The following IGF2BP1 variants were observed in gnomAD, a reference collection of about 807,000 sequenced individuals.
IGF2BP1 encodes the protein insulin like growth factor 2 mRNA binding protein 1, also known as insulin-like growth factor 2 mRNA-binding protein 1.
Under a neutral mutation model 74.9 loss-of-function variants are expected in IGF2BP1, and 11 were observed. That is an observed-to-expected ratio of 0.15 (90% CI 0.09 to 0.24). IGF2BP1 has a LOEUF of 0.24. Among genes scored for constraint, IGF2BP1 ranks in the 10% least tolerant of loss-of-function variants. The pLI is 1.00. For synonymous variants in IGF2BP1, 287 were observed against 281.8 expected (o/e 1.02, Z -0.18); for missense variants, 440 against 757.4 (o/e 0.58, Z 4.92).
rs573627008 is a variant in IGF2BP1 at position 49,005,671 on chromosome 17, C to T, written c.236+6502C>T. Among the ~76,000 whole-genome samples the T allele has an allele frequency of 2.6e-5, 4 of 152,194 alleles. No homozygotes were observed. In the South Asian group the frequency reaches 8.3e-4, roughly 32 times the overall value. ...TTCTACCATGTCTGGTTAGTGGATT[C>T]TAGTCAATCCTCTCTACATTTCCTT... On this transcript the variant is annotated intron_variant, in intron 2 of 14. Coordinates refer to ENST00000290341, the MANE Select transcript of IGF2BP1 (RefSeq NM_006546.4).
chr17:49,029,962 T>A (rs186995336), intron 4 of IGF2BP1, among the ~76,000 whole-genome samples: 4 of 152,152 alleles, frequency 2.6e-5, no homozygotes, highest in African/African-American at 9.6e-5. Context: ...GATTCTAATG[T>A]CAGCTTGCCA....
chr17:49,039,207 C>T (rs1466317732), intron 6 of IGF2BP1, among the ~76,000 whole-genome samples: 1 of 151,962 alleles, frequency 6.6e-6, no homozygotes, highest in Non-Finnish European at 1.5e-5. Context: ...GATCAGTGTA[C>T]TCAGTGGCAA....
chr17:49,037,699 TGTA>T (rs1347506300), intron 5 of IGF2BP1, among the ~76,000 whole-genome samples: 2 of 152,228 alleles, frequency 1.3e-5, no homozygotes, highest in Non-Finnish European at 1.5e-5. Context: ...GTTAGGAGTA[TGTA>T]GTAGTTAGCA....
Position 49,043,585 on chromosome 17 carries a change from G to T in IGF2BP1, c.1200+35G>T, listed in dbSNP as rs755385570. The T allele has an allele frequency of 8.7e-6, 14 of 1,609,514 alleles. No homozygotes were observed. The East Asian group carries it at 3.1e-4, about 36-fold the overall frequency. On this transcript the variant is annotated intron_variant, in intron 10 of 14. Transcript: ENST00000290341. ...AGATCTTATTACACGGGATCCCTGG[G>T]CCCATATGTGGCCTCCCTTAAGGGG...
chr17:49,006,706 A>G (rs2096343574), intron 2 of IGF2BP1, among the ~76,000 whole-genome samples: 1 of 152,180 alleles, frequency 6.6e-6, no homozygotes, highest in South Asian at 2.1e-4. Flanking sequence ...CTAAGGCACT[A>G]GGAACAGTGA....
chr17:49,019,891 A>G (rs2041755979), intron 2 of IGF2BP1, among the ~76,000 whole-genome samples: 1 of 119,630 alleles, frequency 8.4e-6, no homozygotes, highest in Admixed American at 9.1e-5. Flanking sequence ...CCACAGGTGC[A>G]CACCTGGCTA....
intron 5 of IGF2BP1, chr17:49,037,075 A>G: frequency 1.8e-5 from 5 of 273,852 alleles, no homozygotes; most frequent in South Asian, 1.4e-4. Context: ...AACCATTTCA[A>G]GCATTTCAAG....
rs1393263367 is a variant in IGF2BP1 at position 49,049,870 on chromosome 17, A to G, written c.*426A>G. The stretch of plus-strand genomic sequence containing the variant: ...ATGTTTTTCCAATCTTCTTCCCCCT[A>G]CTTGGGTAATTGATTAAAATACCTC... On this transcript the variant is annotated 3_prime_UTR_variant, in exon 15 of 15. Coordinates refer to ENST00000290341, the MANE Select transcript of IGF2BP1 (RefSeq NM_006546.4). The G allele has an allele frequency of 1.3e-5, 2 of 153,846 alleles. No homozygotes were observed. The highest frequency in any genetic ancestry group is 2.9e-5 in the Non-Finnish European group (2 of 69,190). 9.5% of individuals were successfully genotyped at this position (153,846 alleles called of 1,614,324 possible).
intron 2 of IGF2BP1, chr17:49,013,554 G>C (rs1429797137): frequency 6.6e-6 from 1 of 152,446 alleles, no homozygotes. Flanking sequence ...CCCCCAACCG[G>C]TTGCCACTTA....
chr17:49,032,366 C>T (rs1016815384), intron 5 of IGF2BP1, among the ~76,000 whole-genome samples: 15 of 152,036 alleles, frequency 9.9e-5, no homozygotes, highest in Middle Eastern at 3.4e-3. Context: ...GGGGGAACTT[C>T]GGGGTTCAAA....
At chr17:49,045,623 G>A (rs1205017765) in intron 12 of IGF2BP1, among the ~76,000 whole-genome samples, 1 of 152,118 alleles carries the variant, frequency 6.6e-6, no homozygotes, top group Non-Finnish European at 1.5e-5. Context: ...ATTCCTCTGG[G>A]AACTATTTTT....
At chr17:48,998,021 G>A in intron 1 of IGF2BP1, 101 bp downstream of exon 1, 1 of 1,399,110 alleles carries the variant, frequency 7.1e-7, no homozygotes, top group Non-Finnish European at 9.7e-7. Flanking sequence ...CTCTTCCCGG[G>A]CCTGCGGGGT....
rs2041421683 is a variant in IGF2BP1, at chr17:48,997,550, C to T, written c.-196C>T. The T allele has an allele frequency of 8.4e-6, 5 of 595,896 alleles. No individual in the cohort carries two copies. The allele number at this position is 595,896 out of a possible 1,614,324, so 36.9% of individuals were successfully genotyped here. ...GCGGGCACTTCTCCTGGGCTCTCCCCGAACTCTCCCGCGACCTCTGCGCGC... is the reference window on the plus strand; with the variant it reads ...GCGGGCACTTCTCCTGGGCTCTCCCTGAACTCTCCCGCGACCTCTGCGCGC... On this transcript the variant is annotated 5_prime_UTR_variant, in exon 1 of 15. Transcript: ENST00000290341. This position sits in a 1 kb window ranked among gnomAD's most constrained non-coding sequence, Gnocchi z 4.8.
Position 49,045,081 on chromosome 17 carries a change from G to A in IGF2BP1, c.1395+16G>A, listed in dbSNP as rs1345187172. The A allele has an allele frequency of 6.2e-7, 1 of 1,609,552 alleles. No homozygotes were observed. The highest frequency in any genetic ancestry group is 8.5e-7 in the Non-Finnish European group (1 of 1,175,964). ...CCAATTCAAGGTTTTGGTCTTTATT[G>A]TTTTCCAAGCTGAACATGGAGGAAT... On this transcript the variant is annotated intron_variant, in intron 12 of 14. Coordinates refer to ENST00000290341, the MANE Select transcript of IGF2BP1 (RefSeq NM_006546.4).
chr17:49,045,168 A>G (rs2042096620), intron 12 of IGF2BP1, 103 bp downstream of exon 12: 2 of 882,068 alleles, frequency 2.3e-6, no homozygotes, highest in Middle Eastern at 2.2e-4. Flanking sequence ...TTAGCTGTCA[A>G]GTCCTCATCA....
At chr17:49,038,874 A>ATCTTTTT (rs1491495832) in intron 6 of IGF2BP1, among the ~76,000 whole-genome samples, 14 of 75,284 alleles carry the variant, frequency 1.9e-4, no homozygotes, top group African/African-American at 7.3e-4. Context: ...TCTTTCTTTA[A>ATCTTTTT]TATTTTTTTT....
chr17:49,039,155 C>G (rs539783246), intron 6 of IGF2BP1, among the ~76,000 whole-genome samples: 1 of 152,092 alleles, frequency 6.6e-6, no homozygotes, highest in African/African-American at 2.4e-5. Context: ...GGATTAAAGG[C>G]GTGAGCTACC....
At chr17:49,046,406 T>A (rs1410764500) in intron 14 of IGF2BP1, 33 bp downstream of exon 14, 2 of 1,504,758 alleles carry the variant, frequency 1.3e-6, no homozygotes, top group African/African-American at 2.7e-5. Context: ...GAGGGAGGGC[T>A]GCAGGAGCCC....
intron 14 of IGF2BP1, among the ~76,000 whole-genome samples, chr17:49,047,912 C>T (rs1030155794): frequency 1.3e-5 from 2 of 152,026 alleles, no homozygotes; most frequent in African/African-American, 4.8e-5. Flanking sequence ...GATGAGGTTT[C>T]ACCATGTGGC....
Sources: allele counts gnomAD v4.1 joint callset (sites outside exome capture counted in the v4.1 genomes callset), GRCh38; gene constraint gnomAD v4.1.1; non-coding constraint Gnocchi (gnomAD v3.1); transcripts MANE v1.5; gene names NCBI Gene and HGNC (gene_info 2026-07-23, HGNC 2026-07-21).